CDC42BPA: variants seen among roughly 807,000 people sequenced by gnomAD.
CDC42BPA encodes the protein serine/threonine-protein kinase MRCK alpha.
Under a neutral mutation model 223.5 loss-of-function variants are expected in CDC42BPA, and 80 were observed. The observed-to-expected ratio is 0.36, with a 90% confidence interval of 0.30 to 0.43. CDC42BPA has a LOEUF of 0.43. Ranked by LOEUF, CDC42BPA falls within the 20% of genes least tolerant of loss-of-function variation. The pLI is 1.00. For synonymous variants in CDC42BPA, 694 were observed against 718.6 expected (o/e 0.97, Z 0.55); for missense variants, 1,743 against 2,099.9 (o/e 0.83, Z 3.32).
chr1:227,080,964 C>G lies in CDC42BPA; in HGVS notation c.2409G>C (p.Glu803Asp). The G allele has an allele frequency of 6.2e-7, 1 of 1,613,548 alleles. No individual in the cohort carries two copies. Among genetic ancestry groups the G allele is most frequent in the South Asian group, 1.1e-5 (1 of 91,062 alleles). Residue 803 changes from glutamate to aspartate, a missense_variant, in exon 17 of 37, where the codon GAG becomes GAC. Physicochemically the swap from Glu to Asp is conservative, Grantham distance 45 (BLOSUM62 2). Coordinates refer to ENST00000366766, the MANE Select transcript of CDC42BPA (RefSeq NM_001394014.1). The part of the protein sequence containing the change: ...LSIHNQQLEE[E>D]VKDLADKKES... ...CTTTCTTGTCTGCTAGATCTTTAAC[C>G]TCTTCTTCTAACTGCTGGTTGTGTA... is the stretch of plus-strand genomic sequence containing the variant.
intron 3 of CDC42BPA, among the ~76,000 whole-genome samples, chr1:227,203,660 A>T (rs950379849): frequency 6.6e-6 from 1 of 152,198 alleles, no homozygotes; most frequent in African/African-American, 2.4e-5. Flanking sequence ...ACTGTAGATC[A>T]TATCACTTCC....
intron 2 of CDC42BPA, among the ~76,000 whole-genome samples, chr1:227,226,845 A>T (rs1350266856): frequency 6.6e-6 from 1 of 152,198 alleles, no homozygotes; most frequent in Non-Finnish European, 1.5e-5. Context: ...ACATCAGCTG[A>T]TTAGATATTT....
intron 10 of CDC42BPA, among the ~76,000 whole-genome samples, chr1:227,135,403 C>T (rs1378510435): frequency 6.6e-6 from 1 of 152,042 alleles, no homozygotes; most frequent in Admixed American, 6.5e-5. Flanking sequence ...GTCTCTTCAT[C>T]AAGACACCAA....
intron 2 of CDC42BPA, among the ~76,000 whole-genome samples, chr1:227,251,338 G>A (rs1337802355): frequency 3.3e-5 from 5 of 151,964 alleles, no homozygotes; most frequent in Admixed American, 6.6e-5. Flanking sequence ...AGATAAAATT[G>A]GGAGGTATGA....
intron 1 of CDC42BPA, among the ~76,000 whole-genome samples, chr1:227,306,138 G>GTTTTT (rs56027762): frequency 7.4e-6 from 1 of 135,722 alleles, no homozygotes; most frequent in Non-Finnish European, 1.6e-5. Flanking sequence ...GTTCTAAGTG[G>GTTTTT]TTTTTTTTTT....
At chr1:227,277,078 T>TAAAAAA (rs199895591) in intron 1 of CDC42BPA, among the ~76,000 whole-genome samples, 115 of 104,614 alleles carry the variant, frequency 1.1e-3, no homozygotes, top group Non-Finnish European at 1.4e-3. Flanking sequence ...CAATAAATAC[T>TAAAAAA]AAAAAAAAAA....
At chr1:227,041,140 C>G (rs1318419028) in intron 23 of CDC42BPA, among the ~76,000 whole-genome samples, 1 of 150,652 alleles carries the variant, frequency 6.6e-6, no homozygotes, top group Non-Finnish European at 1.5e-5. Flanking sequence ...ACTAAGTACT[C>G]AAAAAAAAAT....
intron 15 of CDC42BPA, among the ~76,000 whole-genome samples, chr1:227,093,594 C>T (rs1683463279): frequency 6.6e-6 from 1 of 152,114 alleles, no homozygotes; most frequent in South Asian, 2.1e-4. Context: ...AACTCATACC[C>T]TATAGTTCAA....
rs1290105137 is a variant in CDC42BPA, at chr1:227,060,022, TTTTTTTTG to T, written c.2905-8045_2905-8038del. The stretch of plus-strand genomic sequence containing the variant: ...AAAAGGAACAATTATCTCAAAAAGT[TTTTTTTTG>T]TTTTTTTTTTTTTTTTTTGAGACGG... On this transcript the variant is annotated intron_variant, in intron 21 of 36. Transcript: ENST00000366766. Among the ~76,000 whole-genome samples the T allele has an allele frequency of 6.2e-4, 46 of 74,020 alleles. 1 individual carries two copies. The highest frequency in any genetic ancestry group is 7.5e-4 in the Non-Finnish European group (27 of 35,988). The allele number at this position is 74,020 out of a possible 152,430, so 48.6% of individuals were successfully genotyped here.
In CDC42BPA at chr1:227,020,800, C is replaced by T. The variant is rs559969469; in HGVS notation, c.4615+2463G>A. Among the ~76,000 whole-genome samples, 9 of 152,322 alleles carry T rather than the reference C, an allele frequency of 5.9e-5. No homozygotes were observed. The East Asian group carries it at 1.7e-3, about 29-fold the overall frequency. On this transcript the variant is annotated intron_variant, in intron 32 of 36. Transcript: ENST00000366766. Reference sequence around the variant, plus strand: ...TGACTTGGCTAACTGTTGCAAGAGGCCTAGCTTGCAGCCTATCTCGACTTT... The same window carrying T: ...TGACTTGGCTAACTGTTGCAAGAGGTCTAGCTTGCAGCCTATCTCGACTTT...
intron 10 of CDC42BPA, among the ~76,000 whole-genome samples, chr1:227,139,136 AACTC>A (rs1320506328): frequency 6.6e-6 from 1 of 152,182 alleles, no homozygotes; most frequent in Non-Finnish European, 1.5e-5. Context: ...AGACTCAAGA[AACTC>A]ACTCAGAATC....
chr1:227,239,977 A>C (rs920680337), intron 2 of CDC42BPA, among the ~76,000 whole-genome samples: 2 of 152,146 alleles, frequency 1.3e-5, no homozygotes, highest in Non-Finnish European at 2.9e-5. Flanking sequence ...ATGCGTCCCT[A>C]TTCTGAAAAT....
At chr1:227,201,781 T>A (rs899322622) in intron 3 of CDC42BPA, among the ~76,000 whole-genome samples, 3 of 151,956 alleles carry the variant, frequency 2.0e-5, no homozygotes, top group African/African-American at 4.8e-5. Context: ...AAGTTTTTTT[T>A]TTTTTTCAAG....
At chr1:227,286,952 G>A (rs1035628342) in intron 1 of CDC42BPA, among the ~76,000 whole-genome samples, 6 of 152,102 alleles carry the variant, frequency 3.9e-5, no homozygotes, top group East Asian at 1.9e-4. Context: ...GATATTGGGA[G>A]AACAAACACA....
At chr1:227,063,514 T>C (rs951431659) in intron 21 of CDC42BPA, among the ~76,000 whole-genome samples, 1 of 151,996 alleles carries the variant, frequency 6.6e-6, no homozygotes, top group Admixed American at 6.6e-5. Context: ...TCTAAATATA[T>C]TATTATATTA....
intron 16 of CDC42BPA, among the ~76,000 whole-genome samples, chr1:227,087,134 G>C (rs181919239): frequency 4.8e-4 from 73 of 151,948 alleles, no homozygotes; most frequent in African/African-American, 1.6e-3. Context: ...TGCTTTTAAT[G>C]TCATTATCTT....
intron 1 of CDC42BPA, among the ~76,000 whole-genome samples, chr1:227,301,422 C>T (rs1419088814): frequency 1.3e-5 from 2 of 151,160 alleles, no homozygotes; most frequent in African/African-American, 4.9e-5. Context: ...TGCGGTGGCG[C>T]GATCTCGGCT....
intron 30 of CDC42BPA, among the ~76,000 whole-genome samples, chr1:227,026,968 T>A (rs894995093): frequency 1.3e-5 from 2 of 151,960 alleles, no homozygotes; most frequent in Non-Finnish European, 2.9e-5. Flanking sequence ...TTAAAGAAAA[T>A]TTTTTATAGA....
chr1:227,184,510 T>C (rs1257302328), intron 5 of CDC42BPA, among the ~76,000 whole-genome samples: 1 of 152,182 alleles, frequency 6.6e-6, no homozygotes, highest in Non-Finnish European at 1.5e-5. Flanking sequence ...GCTAATGTCG[T>C]CCAATGATCT....
Sources: gnomAD v4.1 joint callset for allele counts (sites outside exome capture counted in the v4.1 genomes callset) on GRCh38, gnomAD v4.1.1 for gene constraint, MANE v1.5 for transcripts, NCBI Gene and HGNC (gene_info 2026-07-23, HGNC 2026-07-21) for gene names.